The following FRY variants were observed in gnomAD, a reference collection of about 807,000 sequenced individuals.
The protein encoded by FRY is protein furry homolog.
FRY carries 128 observed loss-of-function variants against 348.4 expected under a neutral mutation model. The observed-to-expected ratio is 0.37, with a 90% CI of 0.32 to 0.43. The LOEUF (loss-of-function observed/expected upper bound fraction) is 0.43. Among genes scored for constraint, FRY ranks in the 20% least tolerant of loss-of-function variants. The pLI is 1.00. For missense variants in FRY, 2,736 were observed against 3,695.2 expected (o/e 0.74, Z 6.73); for synonymous variants, 1,370 against 1,374.7 (o/e 1.00, Z 0.08).
At chr13:32,087,477 C>G (rs984780693) in intron 2 of FRY, among the ~76,000 whole-genome samples, 5 of 152,174 alleles carry the variant, frequency 3.3e-5, no homozygotes, top group Non-Finnish European at 7.3e-5. Context: ...GGTGGCCCAC[C>G]ACCAACAGAT....
Position 32,031,840 on chromosome 13 carries a change from A to G in FRY, c.45A>G (p.Lys15=). The G allele has an allele frequency of 1.9e-6, 3 of 1,595,014 alleles. No individual in the cohort carries two copies. The highest frequency in any genetic ancestry group is 2.6e-6 in the Non-Finnish European group (3 of 1,163,850). ...CGGGCTTCTTTGAGATCAGTATCAA[A>G]TATTTACTGAAATCCTGGAGTAATA... The part of the protein sequence containing the change: ...QDSGFFEISI[K]YLLKSWSNTS... Residue 15 remains lysine, a synonymous_variant, in exon 1 of 61, where the codon AAA becomes AAG. Transcript: ENST00000542859.
chr13:32,275,664 T>G (rs1254049844), intron 56 of FRY, among the ~76,000 whole-genome samples: 1 of 152,198 alleles, frequency 6.6e-6, no homozygotes, highest in Non-Finnish European at 1.5e-5. Context: ...CCCAGTCGGA[T>G]GGGTCTTCAG....
intron 16 of FRY, among the ~76,000 whole-genome samples, chr13:32,159,460 CAAAA>C (rs1215571874): frequency 6.7e-6 from 1 of 149,802 alleles, no homozygotes; most frequent in Non-Finnish European, 1.5e-5. Context: ...CATGCTAGTA[CAAAA>C]AAAGAAAGAA....
chr13:32,112,199 A>T (rs1364387037), intron 3 of FRY, among the ~76,000 whole-genome samples: 1 of 151,826 alleles, frequency 6.6e-6, no homozygotes, highest in African/African-American at 2.4e-5. Context: ...TCTGTTACTT[A>T]TTCTGTTATT....
Position 32,239,815 on chromosome 13 carries a change from G to C in FRY, c.6621G>C (p.Val2207=). Reference sequence around the variant, plus strand: ...GGGACTGTGCCACGTGGGTCAATGTGGTCTGTCGATACCTTCATGAAGCAT... The same window carrying C: ...GGGACTGTGCCACGTGGGTCAATGTCGTCTGTCGATACCTTCATGAAGCAT... ...YTRDCATWVN[V]VCRYLHEAYA... is the part of the protein sequence containing the mutation. The change falls in exon 46 of 61, where the codon GTG becomes GTC. Residue 2207 remains valine, a synonymous_variant. Transcript: ENST00000542859. The surrounding 1 kb of genome is among the most constrained non-coding windows in gnomAD (Gnocchi z 4.3). 6.2e-7 allele frequency: 1 copy of C among 1,614,046 alleles called. No homozygotes were observed. The highest frequency in any genetic ancestry group is 8.5e-7 in the Non-Finnish European group (1 of 1,179,960).
chr13:32,105,131 C>T (rs1408636494), intron 3 of FRY, among the ~76,000 whole-genome samples: 2 of 152,154 alleles, frequency 1.3e-5, no homozygotes, highest in Admixed American at 1.3e-4. Context: ...CAAATGTGTA[C>T]CCTCCAAAAT....
At chr13:32,236,326 AAAG>A (rs1390632667) in intron 43 of FRY, among the ~76,000 whole-genome samples, 154 bp downstream of exon 43, 2 of 127,584 alleles carry the variant, frequency 1.6e-5, no homozygotes, top group Admixed American at 8.8e-5. Context: ...TTAAGTTAAA[AAAG>A]AAGTCATAAT....
At chr13:32,172,180 G>C (rs1416581151) in intron 18 of FRY, among the ~76,000 whole-genome samples, 4 of 151,836 alleles carry the variant, frequency 2.6e-5, no homozygotes, top group African/African-American at 9.7e-5. Context: ...GTGGATGTGG[G>C]TGTGGGTGTG....
chr13:32,146,564 G>A (rs1284983373), intron 11 of FRY, among the ~76,000 whole-genome samples: 1 of 152,122 alleles, frequency 6.6e-6, no homozygotes, highest in Non-Finnish European at 1.5e-5. Context: ...TTGAACTCCT[G>A]ACCTCGTAAT....
intron 11 of FRY, among the ~76,000 whole-genome samples, chr13:32,140,635 C>G (rs77893350): frequency 6.6e-6 from 1 of 151,886 alleles, no homozygotes. Flanking sequence ...TAAAGAAAAC[C>G]TAATAGATAT....
chr13:32,228,299 T>A (rs187157491), intron 39 of FRY, among the ~76,000 whole-genome samples, 157 bp from the exon 40 acceptor site: 1 of 152,248 alleles, frequency 6.6e-6, no homozygotes, highest in East Asian at 1.9e-4. Flanking sequence ...AGAAAAACTG[T>A]CAGTCTCATT....
At chr13:32,211,084 C>T in intron 34 of FRY, 50 bp downstream of exon 34, 1 of 1,521,092 alleles carries the variant, frequency 6.6e-7, no homozygotes, top group Non-Finnish European at 9.1e-7. Flanking sequence ...CTGGGGTTTC[C>T]TTCATGTAGA....
intron 56 of FRY, 130 bp from the exon 57 acceptor site, chr13:32,276,334 A>G (rs1342318509): frequency 1.0e-5 from 7 of 684,654 alleles, no homozygotes; most frequent in Non-Finnish European, 1.6e-5. Context: ...TCCAAATTTC[A>G]CAGCTTATTA....
Position 32,031,996 on chromosome 13 carries a change from TTTC to T in FRY, c.70+133_70+135del, listed in dbSNP as rs375033029. ...TTTTTCTTTTTTTCTTTTCTTTTCT[TTTC>T]TCTTTCTTTCTTTCTTTCTTTCTTT... On this transcript the variant is annotated intron_variant, in intron 1 of 60. Coordinates refer to ENST00000542859, the MANE Select transcript of FRY (RefSeq NM_023037.3). The T allele has an allele frequency of 9.5e-4, 562 of 592,580 alleles. 3 individuals are homozygous for T. Among genetic ancestry groups the T allele is most frequent in the South Asian group, 2.6e-3 (138 of 53,214 alleles). The allele number at this position is 592,580 out of a possible 1,614,324, so 36.7% of individuals were successfully genotyped here.
chr13:32,138,207 G>C (rs1405001714), intron 11 of FRY, among the ~76,000 whole-genome samples: 1 of 151,434 alleles, frequency 6.6e-6, no homozygotes, highest in Non-Finnish European at 1.5e-5. Flanking sequence ...TTGTTAACTG[G>C]TCCACTTTCA....
chr13:32,293,174 G>C (rs1889461965), intron 59 of FRY, among the ~76,000 whole-genome samples: 2 of 152,076 alleles, frequency 1.3e-5, no homozygotes, highest in African/African-American at 4.8e-5. Context: ...ATTCATATGG[G>C]TAGGTACACA....
chr13:32,198,033 T>C (rs913454909), intron 29 of FRY, among the ~76,000 whole-genome samples: 2 of 152,246 alleles, frequency 1.3e-5, no homozygotes, highest in Admixed American at 6.5e-5. Flanking sequence ...TAAGTACAGA[T>C]ACTTTATTTG....
chr13:32,131,731 A>G lies in FRY; in HGVS notation c.776A>G (p.Gln259Arg). 6.2e-7 allele frequency: 1 copy of G among 1,613,454 alleles called. No individual in the cohort carries two copies. Residue 259 changes from glutamine to arginine, a missense_variant, in exon 8 of 61, where the codon CAG (glutamine) becomes CGG (arginine). Transcript: ENST00000542859. Reference protein sequence around the residue: ...AELKELRHKEQNPYVVQSIIS... With the variant: ...AELKELRHKERNPYVVQSIIS... Reference sequence around the variant, plus strand: ...CTAAAAGAATTACGGCACAAAGAGCAGAACCCATATGTGGTTCAAAGCATT... The same window carrying G: ...CTAAAAGAATTACGGCACAAAGAGCGGAACCCATATGTGGTTCAAAGCATT...
intron 51 of FRY, among the ~76,000 whole-genome samples, chr13:32,254,735 G>T (rs1887249868): frequency 1.3e-5 from 2 of 152,166 alleles, no homozygotes; most frequent in South Asian, 2.1e-4. Context: ...CCTGTTCACT[G>T]GTACCTGGGT....
Sources: gnomAD v4.1 joint callset for allele counts (sites outside exome capture counted in the v4.1 genomes callset) on GRCh38, gnomAD v4.1.1 for gene constraint, Gnocchi (gnomAD v3.1) non-coding constraint, MANE v1.5 for transcripts, NCBI Gene and HGNC (gene_info 2026-07-23, HGNC 2026-07-21) for gene names.